Variants in MACROD2 observed in about 807,000 individuals in gnomAD.
The protein encoded by MACROD2 is mono-ADP ribosylhydrolase 2, also known as ADP-ribose glycohydrolase MACROD2.
In MACROD2, 36 loss-of-function variants were observed where a neutral mutation model predicts 70.4. The observed-to-expected ratio is 0.51, with a 90% CI of 0.39 to 0.68. The LOEUF is 0.68. Among genes scored for constraint, MACROD2 ranks in the 30% least tolerant of loss-of-function variants. The probability of loss-of-function intolerance (pLI) is 0.00; values close to 1 mark genes in which losing one functional copy is unlikely to be tolerated. For missense variants in MACROD2, 496 were observed against 538.4 expected (o/e 0.92, Z 0.78); for synonymous variants, 172 against 178.8 (o/e 0.96, Z 0.30).
At chr20:15,978,497 C>T (rs1204957060) in intron 13 of MACROD2, among the ~76,000 whole-genome samples, 1 of 152,014 alleles carries the variant, frequency 6.6e-6, no homozygotes, top group African/African-American at 2.4e-5. Flanking sequence ...CCATATAAAC[C>T]CCTCATTTTG....
intron 4 of MACROD2, among the ~76,000 whole-genome samples, chr20:14,518,121 A>T (rs2085123594): frequency 6.8e-6 from 1 of 146,994 alleles, no homozygotes; most frequent in Admixed American, 6.8e-5. Context: ...ACTTTTAAAA[A>T]TAAAGATATT....
chr20:15,014,402 T>A (rs968782207), intron 5 of MACROD2, among the ~76,000 whole-genome samples: 13 of 152,172 alleles, frequency 8.5e-5, no homozygotes, highest in African/African-American at 3.1e-4. Context: ...ACTATCAATA[T>A]TTTTTTATAG....
intron 6 of MACROD2, among the ~76,000 whole-genome samples, chr20:15,341,272 ATAAT>A (rs998342185): frequency 6.6e-6 from 1 of 152,238 alleles, no homozygotes; most frequent in Non-Finnish European, 1.5e-5. Flanking sequence ...TGCTCACAAA[ATAAT>A]TAAACACATT....
chr20:15,929,938 A>T (rs1313216027), intron 10 of MACROD2, among the ~76,000 whole-genome samples: 1 of 152,226 alleles, frequency 6.6e-6, no homozygotes, highest in African/African-American at 2.4e-5. Flanking sequence ...AACCAGTAGA[A>T]TTCTCACAGG....
At position 15,175,980 on chromosome 20, in the gene MACROD2, T is replaced by G. The variant is rs373911039; in HGVS notation, c.419-53960T>G. On this transcript the variant is annotated intron_variant, in intron 5 of 17. Transcript: ENST00000684519. Reference sequence around the variant, plus strand: ...GGGAAGCCCTCCTGCCCCAACAGGCTTAGAAGTGCCTGCTTCTGCCCCCTG... The same window carrying G: ...GGGAAGCCCTCCTGCCCCAACAGGCGTAGAAGTGCCTGCTTCTGCCCCCTG... Among the ~76,000 whole-genome samples the G allele has an allele frequency of 3.3e-5, 5 of 152,358 alleles. No homozygotes were observed. The East Asian group carries it at 5.8e-4, about 18-fold the overall frequency.
At chr20:15,750,886 C>T (rs144004161) in intron 8 of MACROD2, among the ~76,000 whole-genome samples, 2 of 151,846 alleles carry the variant, frequency 1.3e-5, no homozygotes, top group East Asian at 3.9e-4. Flanking sequence ...AAACAAAAAA[C>T]GACAACAACA....
chr20:14,417,095 AT>A (rs2083817977), intron 3 of MACROD2, among the ~76,000 whole-genome samples: 1 of 107,762 alleles, frequency 9.3e-6, no homozygotes, highest in Non-Finnish European at 2.0e-5. Flanking sequence ...CTATCTATCT[AT>A]CTATCTATCT....
chr20:14,042,920 T>TG (rs1470349414), intron 2 of MACROD2, among the ~76,000 whole-genome samples: 1 of 146,354 alleles, frequency 6.8e-6, no homozygotes, highest in Non-Finnish European at 1.5e-5. Flanking sequence ...GGTGGTGGGT[T>TG]TTTTTTTTTT....
chr20:14,711,865 T>G (rs1024506092), intron 5 of MACROD2, among the ~76,000 whole-genome samples: 2 of 152,210 alleles, frequency 1.3e-5, no homozygotes, highest in African/African-American at 4.8e-5. Context: ...AGTTTGGCAC[T>G]TAGTCTGTTT....
Position 14,203,963 on chromosome 20 carries a change from CT to C in MACROD2, c.271+118236del, listed in dbSNP as rs530297296. ...GTTAGGCGGGCAGGTCCTTTTGCCCCTGGGCAGTGTGTGTGGCATCAGTGGT... is the reference window on the plus strand; with the variant it reads ...GTTAGGCGGGCAGGTCCTTTTGCCCCGGGCAGTGTGTGTGGCATCAGTGGT... On this transcript the variant is annotated intron_variant, in intron 3 of 17. Transcript: ENST00000684519. Among the ~76,000 whole-genome samples, 25 of 152,290 alleles carry C rather than the reference CT, an allele frequency of 1.6e-4. No homozygotes were observed. In the East Asian group the frequency reaches 4.3e-3, roughly 26 times the overall value.
intron 8 of MACROD2, among the ~76,000 whole-genome samples, chr20:15,649,151 C>T (rs1443157817): frequency 7.7e-6 from 1 of 129,808 alleles, no homozygotes; most frequent in East Asian, 2.6e-4. Flanking sequence ...CTCTTTCTTT[C>T]TTTTCTTTCT....
At chr20:15,456,154 T>C (rs547108305) in intron 7 of MACROD2, among the ~76,000 whole-genome samples, 1 of 152,264 alleles carries the variant, frequency 6.6e-6, no homozygotes, top group Non-Finnish European at 1.5e-5. Flanking sequence ...ACAGAACTGT[T>C]TGAGTGCCTG....
chr20:15,383,767 CAG>C lies in MACROD2; in HGVS notation c.541-47636_541-47635del, dbSNP rs2045675150. Among the ~76,000 whole-genome samples the C allele has an allele frequency of 2.0e-5, 3 of 152,224 alleles. 1 individual carries two copies. The highest frequency in any genetic ancestry group is 3.9e-4 in the East Asian group (2 of 5,180). On this transcript the variant is annotated intron_variant, in intron 6 of 17. Coordinates refer to ENST00000684519, the MANE Select transcript of MACROD2 (RefSeq NM_001351661.2). Reference sequence around the variant, plus strand: ...AAACAATTGATAAGTTTCATGTTGACAGAAACATTTCATTTTCCAAGTCATTT... The same window carrying C: ...AAACAATTGATAAGTTTCATGTTGACAAACATTTCATTTTCCAAGTCATTT...
Position 14,003,161 on chromosome 20 carries a change from A to G in MACROD2, c.163+757A>G, listed in dbSNP as rs534603325. Among the ~76,000 whole-genome samples the G allele has an allele frequency of 1.6e-4, 25 of 152,314 alleles. No individual in the cohort carries two copies. In the South Asian group the frequency reaches 5.2e-3, roughly 32 times the overall value. ...TTATGAAATGGACTTGAAACATGCT[A>G]ATTTCAAAGGTTGTGGTCTTAGATC... On this transcript the variant is annotated intron_variant, in intron 2 of 17. Coordinates refer to ENST00000684519, the MANE Select transcript of MACROD2 (RefSeq NM_001351661.2).
chr20:14,506,975 C>T (rs567474521), intron 4 of MACROD2, among the ~76,000 whole-genome samples: 4 of 151,934 alleles, frequency 2.6e-5, no homozygotes, highest in Non-Finnish European at 4.4e-5. Flanking sequence ...TAATAATAAT[C>T]GTGTTCCAGA....
chr20:15,401,239 T>C lies in MACROD2; in HGVS notation c.541-30166T>C, dbSNP rs372131752. 6.7e-3 allele frequency among the ~76,000 whole-genome samples: 1,026 copies of C among 152,098 alleles called. 8 individuals carry two copies. Among genetic ancestry groups the C allele is most frequent in the South Asian group, 0.052 (248 of 4,804 alleles). ...ATTTTTAGTGGAGACGGGGTTTCACTGTGTTAGCCAGGATGGTCTCGATCT... is the reference window on the plus strand; with the variant it reads ...ATTTTTAGTGGAGACGGGGTTTCACCGTGTTAGCCAGGATGGTCTCGATCT... On this transcript the variant is annotated intron_variant, in intron 6 of 17. Coordinates refer to ENST00000684519, the MANE Select transcript of MACROD2 (RefSeq NM_001351661.2).
At chr20:15,458,923 A>C (rs2046771417) in intron 7 of MACROD2, among the ~76,000 whole-genome samples, 1 of 152,042 alleles carries the variant, frequency 6.6e-6, no homozygotes, top group Admixed American at 6.6e-5. Flanking sequence ...GAGAGTCCTT[A>C]GGCTTTCAGC....
intron 5 of MACROD2, among the ~76,000 whole-genome samples, chr20:15,102,704 C>G (rs996719723): frequency 6.7e-6 from 1 of 148,696 alleles, no homozygotes; most frequent in Non-Finnish European, 1.5e-5. Flanking sequence ...GTCAAATATA[C>G]TAGAAAAGCA....
At chr20:14,479,938 G>T (rs780339988) in intron 3 of MACROD2, among the ~76,000 whole-genome samples, 3 of 152,062 alleles carry the variant, frequency 2.0e-5, no homozygotes, top group Admixed American at 2.0e-4. Flanking sequence ...GTTCAATGGC[G>T]CAATCATAGC....
Sources: allele counts gnomAD v4.1 joint callset (sites outside exome capture counted in the v4.1 genomes callset), GRCh38; gene constraint gnomAD v4.1.1; transcripts MANE v1.5; gene names NCBI Gene and HGNC (gene_info 2026-07-23, HGNC 2026-07-21).